The following MTTP variants were observed in gnomAD, a reference collection of about 807,000 sequenced individuals.
The protein encoded by MTTP is microsomal triglyceride transfer protein.
In MTTP, 49 loss-of-function variants were observed where a neutral mutation model predicts 90.6. The ratio of observed to expected loss-of-function variants is 0.54; its 90% CI spans 0.43 to 0.69. MTTP has a LOEUF of 0.69. MTTP is among the 30% of genes least tolerant of loss of function. MTTP has a pLI of 0.00. For synonymous variants in MTTP, 347 were observed against 384.2 expected (o/e 0.90, Z 1.13); for missense variants, 945 against 1,067.5 (o/e 0.89, Z 1.60).
intron 3 of MTTP, 95 bp downstream of exon 3, chr4:99,583,612 C>A: frequency 7.1e-7 from 1 of 1,411,640 alleles, no homozygotes; most frequent in Non-Finnish European, 1.0e-6. Flanking sequence ...ATTGTAACTA[C>A]TTTTATGGTA....
chr4:99,591,679 C>T lies in MTTP; in HGVS notation c.647C>T (p.Ser216Phe), dbSNP rs538381156. The T allele has an allele frequency of 8.7e-6, 14 of 1,612,878 alleles. No individual in the cohort carries two copies. The Admixed American group carries it at 2.2e-4, about 25-fold the overall frequency. The part of the protein sequence containing the change: ...QVLGVSSKAT[S>F]VTTYKIEDSF... ...TTGGGTGTCAGTTCAAAAGCTACATCTGTCACCACCTATAAGATAGAAGAC... is the reference window on the plus strand; with the variant it reads ...TTGGGTGTCAGTTCAAAAGCTACATTTGTCACCACCTATAAGATAGAAGAC... The change falls in exon 6 of 18, where the codon TCT (serine) becomes TTT (phenylalanine). Residue 216 changes from serine to phenylalanine, a missense_variant. By Grantham distance (155) the Ser-to-Phe change is radical. Coordinates refer to ENST00000265517, the MANE Select transcript of MTTP (RefSeq NM_001386140.1).
chr4:99,596,027 T>C (rs1023985742), intron 7 of MTTP, among the ~76,000 whole-genome samples: 3 of 152,104 alleles, frequency 2.0e-5, no homozygotes, highest in Non-Finnish European at 4.4e-5. Context: ...GTAAATTCTA[T>C]TGCAGCCCTT....
intron 1 of MTTP, among the ~76,000 whole-genome samples, chr4:99,577,488 C>G (rs373555155): frequency 1.3e-5 from 2 of 151,496 alleles, no homozygotes; most frequent in African/African-American, 2.4e-5. Context: ...GCCTGTAATC[C>G]CAGCTACTCA....
At chr4:99,617,670 T>C (rs1430984097) in intron 15 of MTTP, among the ~76,000 whole-genome samples, 5 of 151,838 alleles carry the variant, frequency 3.3e-5, no homozygotes, top group African/African-American at 9.7e-5. Flanking sequence ...CTGATTCCAA[T>C]CCAACTAAAA....
chr4:99,622,185 C>T (rs1204227205), intron 17 of MTTP, among the ~76,000 whole-genome samples: 2 of 152,150 alleles, frequency 1.3e-5, no homozygotes, highest in African/African-American at 4.8e-5. Flanking sequence ...ATTTTAAAAA[C>T]CCCAACCTTC....
At chr4:99,580,896 T>C (rs1725093923) in intron 1 of MTTP, among the ~76,000 whole-genome samples, 1 of 152,222 alleles carries the variant, frequency 6.6e-6, no homozygotes, top group Non-Finnish European at 1.5e-5. Context: ...ATCACCTTTC[T>C]CAGCTGCTTT....
At chr4:99,593,718 T>C (rs1725484303) in intron 6 of MTTP, among the ~76,000 whole-genome samples, 4 of 152,210 alleles carry the variant, frequency 2.6e-5, no homozygotes, top group Admixed American at 1.3e-4. Context: ...CTGATTAAAA[T>C]GCTTGAAATT....
At chr4:99,597,839 A>G (rs1019060219) in intron 8 of MTTP, among the ~76,000 whole-genome samples, 10 of 152,236 alleles carry the variant, frequency 6.6e-5, no homozygotes, top group Non-Finnish European at 1.3e-4. Context: ...ATCTGTTTCT[A>G]AATAGAATGT....
intron 3 of MTTP, among the ~76,000 whole-genome samples, chr4:99,585,391 C>A (rs1197583108): frequency 6.6e-6 from 1 of 152,076 alleles, no homozygotes; most frequent in Non-Finnish European, 1.5e-5. Context: ...GAAATAGAGT[C>A]TATGCTCAAA....
intron 11 of MTTP, 27 bp downstream of exon 11, chr4:99,606,987 A>T: frequency 6.4e-7 from 1 of 1,573,126 alleles, no homozygotes; most frequent in Non-Finnish European, 8.7e-7. Flanking sequence ...TATTTGCAAC[A>T]TTTACAGAAG....
rs1289142565 is a variant in MTTP, at chr4:99,588,788, C to T, written c.394-855C>T. On this transcript the variant is annotated intron_variant, in intron 3 of 17. Transcript: ENST00000265517. Reference sequence around the variant, plus strand: ...ATATATATGTTCATATATATACACACATATATATATGTTCATATATATACA... The same window carrying T: ...ATATATATGTTCATATATATACACATATATATATATGTTCATATATATACA... Among the ~76,000 whole-genome samples the T allele has an allele frequency of 2.6e-4, 9 of 34,252 alleles. 1 individual carries two copies. Among genetic ancestry groups the T allele is most frequent in the Non-Finnish European group, 3.7e-4 (8 of 21,914 alleles). The allele number at this position is 34,252 out of a possible 152,430, so 22.5% of individuals were successfully genotyped here. A position where few individuals can be genotyped will look rare whatever the true frequency, so the allele number is the denominator to read the frequency against.
rs566425413 is a variant in MTTP at position 99,565,756 on chromosome 4, T to G, written c.-102+1519T>G. On this transcript the variant is annotated intron_variant, in intron 1 of 18. Transcript: ENST00000457717. Reference sequence around the variant, plus strand: ...GGACATAGTTTTGGAGATTAAATAATTTTGTTTCATCTTGGAAAGTAAGTA... The same window carrying G: ...GGACATAGTTTTGGAGATTAAATAAGTTTGTTTCATCTTGGAAAGTAAGTA... Among the ~76,000 whole-genome samples, 4 of 152,282 alleles carry G rather than the reference T, an allele frequency of 2.6e-5. No individual in the cohort carries two copies. In the South Asian group the frequency reaches 6.2e-4, roughly 24 times the overall value.
In MTTP at chr4:99,623,115, A is replaced by C. The variant is rs79992570; in HGVS notation, c.*267A>C. On this transcript the variant is annotated 3_prime_UTR_variant, in exon 18 of 18. Transcript: ENST00000265517. ...CTCAAATCTCATTTGGTACAGTCAG[A>C]ATAGTTATTCTCTAAGAGGAAACTA... 1,258 of 482,074 alleles carry C rather than the reference A, an allele frequency of 2.6e-3. 11 individuals carry two copies. Among genetic ancestry groups the C allele is most frequent in the African/African-American group, 0.022 (1,130 of 51,344 alleles). The allele number at this position is 482,074 out of a possible 1,614,324, so 29.9% of individuals were successfully genotyped here.
chr4:99,604,840 A>G (rs1281536947), intron 10 of MTTP, among the ~76,000 whole-genome samples: 1 of 152,166 alleles, frequency 6.6e-6, no homozygotes, highest in African/African-American at 2.4e-5. Context: ...TCAATTCTAA[A>G]ACATACACAA....
intron 15 of MTTP, among the ~76,000 whole-genome samples, chr4:99,614,208 T>C (rs1319896664): frequency 6.6e-6 from 1 of 152,196 alleles, no homozygotes; most frequent in Admixed American, 6.5e-5. Context: ...GGGCAGTTAC[T>C]TAATAGCCTT....
chr4:99,598,606 T>G (rs1725615043), intron 8 of MTTP, among the ~76,000 whole-genome samples: 1 of 151,370 alleles, frequency 6.6e-6, no homozygotes, highest in Non-Finnish European at 1.5e-5. Flanking sequence ...ATTGGAAAAT[T>G]TAGTTTAAAT....
rs745529189 is a variant in MTTP, at chr4:99,598,653, C to CTTTTT, written c.1067+1453_1067+1457dup. 3.6e-4 allele frequency among the ~76,000 whole-genome samples: 30 copies of CTTTTT among 82,542 alleles called. 2 individuals are homozygous for CTTTTT. Among genetic ancestry groups the CTTTTT allele is most frequent in the African/African-American group, 6.3e-4 (13 of 20,502 alleles). 54.2% of individuals were successfully genotyped at this position (82,542 alleles called of 152,430 possible). On this transcript the variant is annotated intron_variant, in intron 8 of 17. Transcript: ENST00000265517. ...ACAACAGTATATCCTTCAAGGAAGT[C>CTTTTT]TTTTTTTTTTTTTTTTTTTTTTTTT...
intron 1 of MTTP, among the ~76,000 whole-genome samples, chr4:99,579,588 T>C (rs150205423): frequency 6.6e-6 from 1 of 152,280 alleles, no homozygotes; most frequent in Admixed American, 6.5e-5. Flanking sequence ...CTTTCCTGCT[T>C]CAGTTTTCTT....
At chr4:99,597,517 G>A (rs1026486317) in intron 8 of MTTP, among the ~76,000 whole-genome samples, 2 of 152,164 alleles carry the variant, frequency 1.3e-5, no homozygotes, top group South Asian at 2.1e-4. Flanking sequence ...AGGCTTCGTC[G>A]TGACATCGTG....
Sources: allele counts gnomAD v4.1 joint callset (sites outside exome capture counted in the v4.1 genomes callset), GRCh38; gene constraint gnomAD v4.1.1; transcripts MANE v1.5; gene names NCBI Gene and HGNC (gene_info 2026-07-23, HGNC 2026-07-21).